Variants in NHSL1 observed in about 807,000 individuals in gnomAD.
NHSL1 encodes the protein NHS-like protein 1.
In NHSL1, 48 loss-of-function variants were observed where a neutral mutation model predicts 95.0. The observed-to-expected ratio is 0.51, with a 90% confidence interval of 0.40 to 0.64. The LOEUF (loss-of-function observed/expected upper bound fraction) is 0.64. Ranked by LOEUF, NHSL1 falls within the 30% of genes least tolerant of loss-of-function variation. The pLI is 0.00. For missense variants in NHSL1, 1,971 were observed against 2,077.7 expected (o/e 0.95, Z 1.00); for synonymous variants, 783 against 833.9 (o/e 0.94, Z 1.05).
intron 1 of NHSL1, among the ~76,000 whole-genome samples, chr6:138,633,764 C>T (rs1459527153): frequency 6.6e-6 from 1 of 152,118 alleles, no homozygotes; most frequent in African/African-American, 2.4e-5. Flanking sequence ...TAATAGTAAG[C>T]ACACAGAAAA....
Position 138,692,411 on chromosome 6 carries a change from G to A in NHSL1, c.96+65C>T, listed in dbSNP as rs1308772991. The A allele has an allele frequency of 3.9e-6, 1 of 258,672 alleles. No homozygotes were observed. The highest frequency in any genetic ancestry group is 7.5e-6 in the Non-Finnish European group (1 of 133,328). 16.0% of individuals were successfully genotyped at this position (258,672 alleles called of 1,614,324 possible). The stretch of plus-strand genomic sequence containing the variant: ...GCCGACCCAGGGCCGCCAGGGGGCG[G>A]GCGGGAGCAGCTCTCCGGGTGCCTC... On this transcript the variant is annotated intron_variant, in intron 1 of 3. Transcript: ENST00000491526. The surrounding 1 kb of genome is among the most constrained non-coding windows in gnomAD (Gnocchi z 4.0).
At chr6:138,687,218 T>A (rs6570263) in intron 1 of NHSL1, among the ~76,000 whole-genome samples, 1 of 151,664 alleles carries the variant, frequency 6.6e-6, no homozygotes, top group Non-Finnish European at 1.5e-5. Context: ...GGAGGATCGC[T>A]TGAGCCCAGG....
intron 1 of NHSL1, chr6:138,650,418 A>AGCATGCTCACT: frequency 7.0e-7 from 1 of 1,431,136 alleles, no homozygotes; most frequent in South Asian, 1.1e-5. Context: ...GGGGTAGGTC[A>AGCATGCTCACT]GCATGCTCAC....
chr6:138,439,791 G>A (rs537575784), intron 5 of NHSL1, among the ~76,000 whole-genome samples: 1 of 151,716 alleles, frequency 6.6e-6, no homozygotes, highest in African/African-American at 2.4e-5. Flanking sequence ...ATGATGCGGG[G>A]AAAGCTATTT....
chr6:138,618,993 T>C (rs908883304), intron 1 of NHSL1, among the ~76,000 whole-genome samples: 1 of 152,328 alleles, frequency 6.6e-6, no homozygotes, highest in African/African-American at 2.4e-5. Context: ...CTCTGAGTTT[T>C]TCTCTTATAG....
chr6:138,525,630 G>T (rs1159569262), intron 1 of NHSL1, among the ~76,000 whole-genome samples: 1 of 151,812 alleles, frequency 6.6e-6, no homozygotes, highest in Non-Finnish European at 1.5e-5. Context: ...CCCAAAGCTA[G>T]ACTATATAAA....
At chr6:138,483,613 T>A (rs1406268359) in intron 2 of NHSL1, among the ~76,000 whole-genome samples, 1 of 152,184 alleles carries the variant, frequency 6.6e-6, no homozygotes, top group Admixed American at 6.5e-5. Flanking sequence ...GATGGTGACC[T>A]CCACCTGGTC....
chr6:138,544,889 A>G (rs1782721170), intron 1 of NHSL1, among the ~76,000 whole-genome samples: 1 of 152,212 alleles, frequency 6.6e-6, no homozygotes, highest in Non-Finnish European at 1.5e-5. Context: ...TAATCAGGGA[A>G]TGACGACATA....
chr6:138,648,364 A>AC (rs1341103971), intron 1 of NHSL1, among the ~76,000 whole-genome samples: 1 of 150,954 alleles, frequency 6.6e-6, no homozygotes, highest in Non-Finnish European at 1.5e-5. Context: ...AAAAAAAAAA[A>AC]AAACAATGGA....
chr6:138,640,270 C>T (rs1784943387), intron 1 of NHSL1, among the ~76,000 whole-genome samples: 1 of 152,142 alleles, frequency 6.6e-6, no homozygotes, highest in Non-Finnish European at 1.5e-5. Flanking sequence ...TGAAAGGAAC[C>T]TAACTATTCT....
intron 1 of NHSL1, among the ~76,000 whole-genome samples, chr6:138,640,635 A>C (rs1784947781): frequency 6.6e-6 from 1 of 152,220 alleles, no homozygotes; most frequent in South Asian, 2.1e-4. Flanking sequence ...GTAAGAATAC[A>C]GTATATATGT....
At chr6:138,563,916 C>T (rs1783507585) in intron 1 of NHSL1, among the ~76,000 whole-genome samples, 4 of 152,082 alleles carry the variant, frequency 2.6e-5, no homozygotes, top group South Asian at 4.1e-4. Context: ...GGGAGGGGAG[C>T]GGTGTGTACA....
chr6:138,471,783 G>A (rs1778767724), intron 3 of NHSL1, among the ~76,000 whole-genome samples: 1 of 152,112 alleles, frequency 6.6e-6, no homozygotes, highest in African/African-American at 2.4e-5. Flanking sequence ...TAAGCACAGT[G>A]ACAGATACGT....
At chr6:138,584,105 C>A (rs1363573729) in intron 1 of NHSL1, among the ~76,000 whole-genome samples, 1 of 152,056 alleles carries the variant, frequency 6.6e-6, no homozygotes, top group African/African-American at 2.4e-5. Context: ...GGCAACAGAG[C>A]AAGATTTTAT....
intron 5 of NHSL1, among the ~76,000 whole-genome samples, chr6:138,433,923 G>A (rs937704258): frequency 3.3e-5 from 5 of 152,158 alleles, no homozygotes; most frequent in South Asian, 4.1e-4. Flanking sequence ...TGAGTGCTGC[G>A]TATGGAATTC....
intron 1 of NHSL1, among the ~76,000 whole-genome samples, chr6:138,606,789 G>A (rs1035420349): frequency 6.9e-6 from 1 of 144,162 alleles, no homozygotes; most frequent in South Asian, 2.2e-4. Flanking sequence ...TGCAAGCTCC[G>A]CCTCCCAGGT....
chr6:138,567,904 C>G (rs887969143), intron 1 of NHSL1, among the ~76,000 whole-genome samples: 2 of 152,116 alleles, frequency 1.3e-5, no homozygotes, highest in Admixed American at 1.3e-4. Flanking sequence ...CCTGCCAATA[C>G]CAGGATCATC....
chr6:138,660,640 C>CA (rs887370217), intron 1 of NHSL1, among the ~76,000 whole-genome samples: 53 of 127,656 alleles, frequency 4.2e-4, no homozygotes, highest in South Asian at 1.0e-3. Flanking sequence ...GACTCCGTCT[C>CA]AAAAAAAAAA....
chr6:138,638,663 C>T (rs1784920138), intron 1 of NHSL1, among the ~76,000 whole-genome samples: 1 of 152,158 alleles, frequency 6.6e-6, no homozygotes, highest in South Asian at 2.1e-4. Flanking sequence ...ATTCAACTGA[C>T]CTGAGAAAAT....
Sources: allele counts gnomAD v4.1 joint callset (sites outside exome capture counted in the v4.1 genomes callset), GRCh38; gene constraint gnomAD v4.1.1; non-coding constraint Gnocchi (gnomAD v3.1); transcripts MANE v1.5; gene names NCBI Gene and HGNC (gene_info 2026-07-23, HGNC 2026-07-21).